NEK1: variants seen among roughly 807,000 people sequenced by gnomAD.
NEK1 encodes the protein NIMA related kinase 1.
A neutral mutation model predicts 182.1 loss-of-function variants in NEK1; 137 were observed. The observed-to-expected ratio is 0.75, with a 90% CI of 0.65 to 0.87. The LOEUF (loss-of-function observed/expected upper bound fraction) is 0.87. NEK1 is among the 40% of genes least tolerant of loss of function. NEK1 has a pLI of 0.00. For missense variants in NEK1, 1,391 were observed against 1,494.4 expected (o/e 0.93, Z 1.14); for synonymous variants, 513 against 492.2 (o/e 1.04, Z -0.56).
chr4:169,606,060 A>G (rs540500315), intron 2 of NEK1, among the ~76,000 whole-genome samples: 1 of 152,136 alleles, frequency 6.6e-6, no homozygotes, highest in African/African-American at 2.4e-5. Flanking sequence ...CGACTAGTCT[A>G]TGACTCAAGG....
chr4:169,431,410 AAATTGTT>A (rs1433178634), intron 29 of NEK1, among the ~76,000 whole-genome samples: 1 of 152,184 alleles, frequency 6.6e-6, no homozygotes, highest in Non-Finnish European at 1.5e-5. Flanking sequence ...AAGTGAATAA[AAATTGTT>A]AAGTATATAG....
chr4:169,463,937 T>G (rs561074283), intron 26 of NEK1, among the ~76,000 whole-genome samples: 3 of 152,252 alleles, frequency 2.0e-5, no homozygotes, highest in Admixed American at 2.0e-4. Context: ...AGGGCCTCAT[T>G]TATGTTTTAC....
At position 169,424,614 on chromosome 4, in the gene NEK1, T is replaced by C; in HGVS notation, c.3161A>G (p.Lys1054Arg). 1 of 1,612,920 alleles carries C rather than the reference T, an allele frequency of 6.2e-7. No homozygotes were observed. The highest frequency in any genetic ancestry group is 8.5e-7 in the Non-Finnish European group (1 of 1,179,092). The change falls in exon 31 of 36, where the codon AAA (lysine) becomes AGA (arginine). Residue 1054 changes from lysine to arginine, a missense_variant. By Grantham distance (26) the Lys-to-Arg change is conservative (BLOSUM62 2). Coordinates refer to ENST00000507142, the MANE Select transcript of NEK1 (RefSeq NM_001199397.3). ...TCCAATCAGCAAGGAATTCTTGTTT[T>C]TATTTTTTGGTGGTAAATGCGAGTG... The part of the protein sequence containing the change: ...RSHSHLPPKN[K>R]NKNSLLIGLS...
intron 3 of NEK1, 91 bp from the exon 4 acceptor site, chr4:169,602,195 T>A: frequency 1.2e-6 from 1 of 855,348 alleles, no homozygotes. Flanking sequence ...AACATAATAG[T>A]ATTAATACAG....
intron 32 of NEK1, among the ~76,000 whole-genome samples, chr4:169,404,049 T>C (rs1306331428): frequency 6.8e-6 from 1 of 147,068 alleles, no homozygotes; most frequent in Admixed American, 7.0e-5. Context: ...AAAGAACACA[T>C]GCATAACACA....
At chr4:169,495,204 TAGGG>T (rs1750952616) in intron 23 of NEK1, among the ~76,000 whole-genome samples, 1 of 150,926 alleles carries the variant, frequency 6.6e-6, no homozygotes. Flanking sequence ...GGTTTTCTTC[TAGGG>T]TTTTTATGGT....
chr4:169,593,115 AC>A (rs564947737), intron 5 of NEK1, among the ~76,000 whole-genome samples: 22 of 151,616 alleles, frequency 1.5e-4, no homozygotes, highest in African/African-American at 4.1e-4. Flanking sequence ...TTCAGTACCA[AC>A]AATGTACCAG....
At chr4:169,505,763 C>T (rs916465663) in intron 23 of NEK1, among the ~76,000 whole-genome samples, 14 of 152,018 alleles carry the variant, frequency 9.2e-5, no homozygotes, top group Non-Finnish European at 1.8e-4. Context: ...AGAAAATTAA[C>T]TTAAAATTGG....
chr4:169,547,298 A>AC (rs1760654061), intron 18 of NEK1, among the ~76,000 whole-genome samples: 1 of 151,974 alleles, frequency 6.6e-6, no homozygotes, highest in Non-Finnish European at 1.5e-5. Flanking sequence ...TTGAATATTG[A>AC]CCCCCACTCT....
intron 11 of NEK1, among the ~76,000 whole-genome samples, chr4:169,579,958 G>A (rs1051191970): frequency 6.6e-5 from 10 of 151,992 alleles, no homozygotes; most frequent in East Asian, 1.9e-4. Flanking sequence ...TACCCTTCAC[G>A]TATTAAATAA....
intron 23 of NEK1, among the ~76,000 whole-genome samples, chr4:169,502,653 T>C (rs1704263587): frequency 6.6e-6 from 1 of 151,992 alleles, no homozygotes; most frequent in South Asian, 2.1e-4. Flanking sequence ...AATATACACA[T>C]AAAAAGCATC....
At chr4:169,399,919 C>T (rs553783027) in intron 35 of NEK1, among the ~76,000 whole-genome samples, 1 of 152,178 alleles carries the variant, frequency 6.6e-6, no homozygotes, top group Middle Eastern at 3.4e-3. Flanking sequence ...ACCACGGCAC[C>T]CGGCTAGGAT....
intron 27 of NEK1, among the ~76,000 whole-genome samples, chr4:169,439,444 A>G (rs1044385179): frequency 7.2e-5 from 11 of 152,198 alleles, no homozygotes; most frequent in African/African-American, 2.7e-4. Context: ...AGTGTTGCAA[A>G]TGTTTCAGAA....
chr4:169,411,007 T>TC (rs753139487), intron 31 of NEK1, among the ~76,000 whole-genome samples: 5 of 152,344 alleles, frequency 3.3e-5, no homozygotes, highest in Non-Finnish European at 7.3e-5. Context: ...TGCGTGCGTA[T>TC]CCTGTTTCCC....
chr4:169,597,190 AC>A (rs1474420885), intron 5 of NEK1, among the ~76,000 whole-genome samples: 1 of 152,266 alleles, frequency 6.6e-6, no homozygotes. Context: ...ATACTAACAT[AC>A]ATTACTATTT....
chr4:169,436,450 T>C (rs1738430279), intron 28 of NEK1, among the ~76,000 whole-genome samples: 2 of 152,028 alleles, frequency 1.3e-5, no homozygotes, highest in Non-Finnish European at 2.9e-5. Context: ...TGGCTGAAAA[T>C]TTGGTAACTG....
chr4:169,417,974 A>C (rs1360008667), intron 31 of NEK1, among the ~76,000 whole-genome samples: 2 of 152,226 alleles, frequency 1.3e-5, no homozygotes, highest in Admixed American at 6.5e-5. Flanking sequence ...AAAAAACTTC[A>C]AAACTTTGCA....
intron 12 of NEK1, among the ~76,000 whole-genome samples, chr4:169,573,288 G>A (rs1257644489): frequency 6.6e-6 from 1 of 152,160 alleles, no homozygotes; most frequent in Non-Finnish European, 1.5e-5. Flanking sequence ...AGTGAAGTAG[G>A]AAGAAAATAT....
intron 12 of NEK1, among the ~76,000 whole-genome samples, chr4:169,562,450 T>C (rs1763062333): frequency 2.6e-5 from 4 of 152,124 alleles, no homozygotes; most frequent in Non-Finnish European, 5.9e-5. Context: ...TGTTCAGGTA[T>C]GGATGTTTAA....
Sources: allele counts gnomAD v4.1 joint callset (sites outside exome capture counted in the v4.1 genomes callset), GRCh38; gene constraint gnomAD v4.1.1; transcripts MANE v1.5; gene names NCBI Gene and HGNC (gene_info 2026-07-23, HGNC 2026-07-21).